The following TMEM132C variants were observed in gnomAD, a reference collection of about 807,000 sequenced individuals.
TMEM132C encodes the protein protein phosphatase 1, regulatory subunit 152.
TMEM132C carries 29 observed loss-of-function variants against 61.4 expected under a neutral mutation model. The observed-to-expected ratio is 0.47, with a 90% CI of 0.35 to 0.64. The LOEUF is 0.64. Among genes scored for constraint, TMEM132C ranks in the 30% least tolerant of loss-of-function variants. The pLI, the probability that TMEM132C is intolerant of heterozygous loss-of-function variation, is 0.00. For synonymous variants in TMEM132C, 656 were observed against 633.1 expected, an observed-to-expected ratio of 1.04 and a Z score of -0.54; for missense variants, 1,408 against 1,476.9, an observed-to-expected ratio of 0.95 and a Z score of 0.76.
intron 1 of TMEM132C, among the ~76,000 whole-genome samples, chr12:128,410,732 G>A (rs1030730638): frequency 6.6e-6 from 1 of 152,078 alleles, no homozygotes; most frequent in African/African-American, 2.4e-5. Context: ...AAATAAAGAT[G>A]TTCTCTTATA....
At chr12:128,481,052 C>T (rs567779876) in intron 2 of TMEM132C, among the ~76,000 whole-genome samples, 55 of 152,166 alleles carry the variant, frequency 3.6e-4, no homozygotes, top group Admixed American at 5.9e-4. Context: ...ACTGAAGACG[C>T]GAATGAACAG....
At chr12:128,603,139 C>T (rs1291063254) in intron 3 of TMEM132C, among the ~76,000 whole-genome samples, 1 of 151,928 alleles carries the variant, frequency 6.6e-6, no homozygotes, top group African/African-American at 2.4e-5. Flanking sequence ...GGCTTCAGAG[C>T]AGTGCACGGA....
chr12:128,473,501 C>CTCCAGTCTCCATCTTCAG (rs1871047953), intron 2 of TMEM132C, among the ~76,000 whole-genome samples: 5 of 150,120 alleles, frequency 3.3e-5, no homozygotes, highest in South Asian at 4.3e-4. Flanking sequence ...TTCATCCTTA[C>CTCCAGTCTCCATCTTCAG]TCCAGCCTCC....
At chr12:128,583,109 C>A (rs999632433) in intron 3 of TMEM132C, among the ~76,000 whole-genome samples, 7 of 152,148 alleles carry the variant, frequency 4.6e-5, no homozygotes, top group Admixed American at 2.0e-4. Context: ...CTGAAAACAA[C>A]CCAAAAGTTT....
At chr12:128,681,502 G>A (rs934316212) in intron 5 of TMEM132C, among the ~76,000 whole-genome samples, 1 of 152,008 alleles carries the variant, frequency 6.6e-6, no homozygotes, top group Admixed American at 6.6e-5. Context: ...CTGGCTTCTG[G>A]GATGGCTGGA....
At chr12:128,313,765 C>T (rs865791567) in intron 1 of TMEM132C, among the ~76,000 whole-genome samples, 1 of 152,176 alleles carries the variant, frequency 6.6e-6, no homozygotes, top group South Asian at 2.1e-4. Flanking sequence ...GTGAGGATTT[C>T]TGCTCCATGA....
At chr12:128,409,581 G>A (rs1295079852) in intron 1 of TMEM132C, among the ~76,000 whole-genome samples, 1 of 152,134 alleles carries the variant, frequency 6.6e-6, no homozygotes, top group African/African-American at 2.4e-5. Flanking sequence ...AAAAAATTGA[G>A]TTTCACTTTA....
chr12:128,646,617 A>G (rs1333248246), intron 4 of TMEM132C, among the ~76,000 whole-genome samples: 7 of 151,476 alleles, frequency 4.6e-5, no homozygotes, highest in Non-Finnish European at 1.0e-4. Context: ...ACTGGAGTCC[A>G]TCAGCGCTGG....
chr12:128,288,596 G>A (rs1871150125), intron 1 of TMEM132C: 1 of 152,142 alleles, frequency 6.6e-6, no homozygotes, highest in Non-Finnish European at 1.5e-5. Flanking sequence ...GAGGAGATCA[G>A]GCTCCCAGCT....
At chr12:128,606,128 C>G (rs996411952) in intron 3 of TMEM132C, among the ~76,000 whole-genome samples, 2 of 152,230 alleles carry the variant, frequency 1.3e-5, no homozygotes, top group African/African-American at 4.8e-5. Context: ...CTGAGGCCTT[C>G]TCAGCAACTG....
intron 1 of TMEM132C, among the ~76,000 whole-genome samples, chr12:128,398,604 C>T (rs751249118): frequency 1.3e-5 from 2 of 152,172 alleles, no homozygotes; most frequent in Non-Finnish European, 2.9e-5. Context: ...CAGAAATGGG[C>T]ACAGGGATCC....
intron 3 of TMEM132C, among the ~76,000 whole-genome samples, chr12:128,559,265 A>G (rs1054711201): frequency 6.6e-6 from 1 of 152,170 alleles, no homozygotes; most frequent in Non-Finnish European, 1.5e-5. Context: ...TTTCCATGTT[A>G]GTACATAAAG....
intron 1 of TMEM132C, 39 bp downstream of exon 1, chr12:128,267,526 G>A: frequency 8.1e-7 from 1 of 1,227,100 alleles, no homozygotes; most frequent in South Asian, 3.5e-5. Context: ...CGACGCATGC[G>A]AACTTCCCGG....
intron 1 of TMEM132C, among the ~76,000 whole-genome samples, chr12:128,306,269 C>G (rs1356977265): frequency 2.7e-5 from 4 of 147,326 alleles, no homozygotes; most frequent in Non-Finnish European, 5.9e-5. Flanking sequence ...CAGTGGCGAT[C>G]TCAGCTCACT....
At chr12:128,666,511 C>G (rs1242561695) in intron 4 of TMEM132C, among the ~76,000 whole-genome samples, 1 of 152,084 alleles carries the variant, frequency 6.6e-6, no homozygotes, top group Non-Finnish European at 1.5e-5. Context: ...ATTCAACAGT[C>G]GAAAAGATAG....
chr12:128,394,400 T>TG (rs1190704281), intron 1 of TMEM132C, among the ~76,000 whole-genome samples: 3 of 152,226 alleles, frequency 2.0e-5, no homozygotes. Flanking sequence ...CATCCTCTGC[T>TG]GGGTACTCTC....
At chr12:128,430,392 T>A (rs1869344162) in intron 2 of TMEM132C, among the ~76,000 whole-genome samples, 3 of 152,186 alleles carry the variant, frequency 2.0e-5, no homozygotes, top group Non-Finnish European at 4.4e-5. Context: ...GTTAGGCCTC[T>A]TACGTGACCT....
chr12:128,591,604 C>T (rs1266791372), intron 3 of TMEM132C, among the ~76,000 whole-genome samples: 1 of 152,120 alleles, frequency 6.6e-6, no homozygotes, highest in Admixed American at 6.5e-5. Flanking sequence ...GATATGTACA[C>T]TTAGGAGTAG....
chr12:128,376,415 T>C (rs1349488964), intron 1 of TMEM132C, among the ~76,000 whole-genome samples: 2 of 152,128 alleles, frequency 1.3e-5, no homozygotes, highest in Non-Finnish European at 2.9e-5. Flanking sequence ...TTGATAGGTT[T>C]AAAAAAAGGC....
Sources: gnomAD v4.1 joint callset for allele counts (sites outside exome capture counted in the v4.1 genomes callset) on GRCh38, gnomAD v4.1.1 for gene constraint, MANE v1.5 for transcripts, NCBI Gene and HGNC (gene_info 2026-07-23, HGNC 2026-07-21) for gene names.